Variants in BCAS3 observed in about 807,000 individuals in gnomAD.
The protein encoded by BCAS3 is BCAS4/BCAS3 fusion.
BCAS3 carries 53 observed loss-of-function variants against 116.1 expected under a neutral mutation model. The observed-to-expected ratio is 0.46, with a 90% CI of 0.37 to 0.57. The LOEUF is 0.57. Ranked by LOEUF, BCAS3 falls within the 20% of genes least tolerant of loss-of-function variation. The pLI is 0.00. For synonymous variants in BCAS3, 391 were observed against 408.2 expected, an observed-to-expected ratio of 0.96 and a Z score of 0.51; for missense variants, 917 against 1,165.4, an observed-to-expected ratio of 0.79 and a Z score of 3.10.
At chr17:61,185,063 A>G (rs2079686346) in intron 22 of BCAS3, among the ~76,000 whole-genome samples, 1 of 152,030 alleles carries the variant, frequency 6.6e-6, no homozygotes, top group African/African-American at 2.4e-5. Flanking sequence ...CAGTCTCAAC[A>G]CTTAAAATGG....
intron 6 of BCAS3, among the ~76,000 whole-genome samples, chr17:60,802,371 C>CATACATACATATATATATAT (rs1555724685): frequency 9.8e-5 from 11 of 111,946 alleles, no homozygotes; most frequent in African/African-American, 4.1e-4. Flanking sequence ...TACATACATA[C>CATACATACATATATATATAT]ATATATATAT....
rs181407821 is a variant in BCAS3 at position 60,979,179 on chromosome 17, C to T, written c.1222-10792C>T. Among the ~76,000 whole-genome samples, 600 of 150,448 alleles carry T rather than the reference C, an allele frequency of 4.0e-3. 5 individuals are homozygous for T. The East Asian group carries it at 0.043, about 11-fold the overall frequency. On this transcript the variant is annotated intron_variant, in intron 14 of 23. Transcript: ENST00000407086. ...TTGTTTGTATCCTCTTTTATTTCCT[C>T]GAGCAGTGGTTTGTAGTTCTCCTTG...
chr17:61,271,874 A>G (rs1247754706), intron 22 of BCAS3, among the ~76,000 whole-genome samples: 2 of 151,966 alleles, frequency 1.3e-5, no homozygotes, highest in African/African-American at 4.8e-5. Context: ...CAATGGTGCA[A>G]TCATACCTCA....
chr17:60,898,688 A>G (rs115091131), intron 10 of BCAS3, among the ~76,000 whole-genome samples: 1,726 of 152,256 alleles, frequency 0.011, 31 homozygotes, highest in African/African-American at 0.038. Context: ...TCTTCCAGGT[A>G]GCTTGCTTGG....
intron 22 of BCAS3, among the ~76,000 whole-genome samples, chr17:61,146,987 T>G (rs2077254746): frequency 6.6e-6 from 1 of 152,128 alleles, no homozygotes; most frequent in Non-Finnish European, 1.5e-5. Flanking sequence ...TGATCATGGC[T>G]TACTGCAGCC....
chr17:61,253,116 T>C (rs1160505774), intron 22 of BCAS3, among the ~76,000 whole-genome samples: 1 of 151,330 alleles, frequency 6.6e-6, no homozygotes, highest in African/African-American at 2.4e-5. Flanking sequence ...CCTCAGGTGA[T>C]CCACTTGCCT....
chr17:60,771,492 C>G (rs1355092807), intron 6 of BCAS3, among the ~76,000 whole-genome samples: 1 of 152,062 alleles, frequency 6.6e-6, no homozygotes, highest in East Asian at 1.9e-4. Flanking sequence ...AACGTTGGTT[C>G]CCTTTCACAA....
chr17:61,077,536 ATAAAT>A lies in BCAS3; in HGVS notation c.2131-796_2131-792del, dbSNP rs1480859914. ...CGTCTCAAAAAAAAAATGAAATAAA[ATAAAT>A]AAAATAAAATATTGGCAACATTCCC... On this transcript the variant is annotated intron_variant, in intron 20 of 23. Transcript: ENST00000407086. This position sits in a 1 kb window ranked among gnomAD's most constrained non-coding sequence, Gnocchi z 4.3. Among the ~76,000 whole-genome samples the A allele has an allele frequency of 2.0e-5, 3 of 152,170 alleles. No individual in the cohort carries two copies. The highest frequency in any genetic ancestry group is 7.2e-5 in the African/African-American group (3 of 41,460).
At chr17:60,785,250 C>G (rs1159450004) in intron 6 of BCAS3, among the ~76,000 whole-genome samples, 1 of 152,080 alleles carries the variant, frequency 6.6e-6, no homozygotes. Context: ...CCTCCACCTC[C>G]CAGGGTCAAG....
chr17:61,034,916 T>A lies in BCAS3; in HGVS notation c.1762+126T>A. ...TGGAAACCAATTTTTTTAATGTAAT[T>A]AGCATGTCACTTCTCAACTACTCAA... On this transcript the variant is annotated intron_variant, in intron 17 of 23. Coordinates refer to ENST00000407086, the MANE Select transcript of BCAS3 (RefSeq NM_017679.5). The surrounding 1 kb of genome is among the most constrained non-coding windows in gnomAD (Gnocchi z 5.0). 1 of 841,286 alleles carries A rather than the reference T, an allele frequency of 1.2e-6. No individual in the cohort carries two copies. The highest frequency in any genetic ancestry group is 1.8e-6 in the Non-Finnish European group (1 of 549,942). 52.1% of individuals were successfully genotyped at this position (841,286 alleles called of 1,614,324 possible).
chr17:61,102,151 C>A (rs1172550362), intron 22 of BCAS3, among the ~76,000 whole-genome samples: 3 of 152,028 alleles, frequency 2.0e-5, no homozygotes, highest in Non-Finnish European at 4.4e-5. Flanking sequence ...TTAGCTGAGA[C>A]AAAATTATTT....
intron 14 of BCAS3, among the ~76,000 whole-genome samples, chr17:60,965,523 T>C (rs1422269407): frequency 6.6e-6 from 1 of 152,104 alleles, no homozygotes; most frequent in East Asian, 1.9e-4. Flanking sequence ...GCCCGGCCTA[T>C]ATATTGCATT....
intron 14 of BCAS3, among the ~76,000 whole-genome samples, chr17:60,988,360 T>G (rs74338036): frequency 0.076 from 10,259 of 134,840 alleles, 1,344 homozygotes; most frequent in African/African-American, 0.3. Flanking sequence ...TTTTTTTTTT[T>G]ATGTATGTGT....
chr17:61,309,770 A>T lies in BCAS3; in HGVS notation c.2426-58557A>T, dbSNP rs1216286902. On this transcript the variant is annotated intron_variant, in intron 22 of 23. Transcript: ENST00000407086. The surrounding 1 kb of genome is among the most constrained non-coding windows in gnomAD (Gnocchi z 4.6). ...GTAGTGGCCTGTTTATGGGTTGAGGAGGCAGTACAGGGTGACAAGAGGGAG... is the reference window on the plus strand; with the variant it reads ...GTAGTGGCCTGTTTATGGGTTGAGGTGGCAGTACAGGGTGACAAGAGGGAG... Among the ~76,000 whole-genome samples the T allele has an allele frequency of 6.6e-6, 1 of 152,136 alleles. No individual in the cohort carries two copies. Among genetic ancestry groups the T allele is most frequent in the Non-Finnish European group, 1.5e-5 (1 of 68,036 alleles).
rs952680099 is a variant in BCAS3 at position 61,131,713 on chromosome 17, A to G, written c.2425+47149A>G. 6.6e-6 allele frequency among the ~76,000 whole-genome samples: 1 copy of G among 152,088 alleles called. No homozygotes were observed. The highest frequency in any genetic ancestry group is 1.5e-5 in the Non-Finnish European group (1 of 68,012). ...TGCTGATTAGTGACTTGCGGTGTGGATTCTGATTTATCGCAGACCAGAGCT... is the reference window on the plus strand; with the variant it reads ...TGCTGATTAGTGACTTGCGGTGTGGGTTCTGATTTATCGCAGACCAGAGCT... On this transcript the variant is annotated intron_variant, in intron 22 of 23. Coordinates refer to ENST00000407086, the MANE Select transcript of BCAS3 (RefSeq NM_017679.5). This position sits in a 1 kb window ranked among gnomAD's most constrained non-coding sequence, Gnocchi z 4.4.
intron 22 of BCAS3, among the ~76,000 whole-genome samples, chr17:61,298,791 A>ATTTATTTAT: frequency 6.9e-6 from 1 of 145,392 alleles, no homozygotes; most frequent in Non-Finnish European, 1.5e-5. Context: ...GTCACATGCC[A>ATTTATTTAT]TTATTTATTT....
chr17:61,262,933 C>T (rs1026194779), intron 22 of BCAS3, among the ~76,000 whole-genome samples: 2 of 152,056 alleles, frequency 1.3e-5, no homozygotes, highest in Non-Finnish European at 2.9e-5. Flanking sequence ...CTCAGGTGAT[C>T]CACCCGCCTC....
At chr17:60,976,467 T>A (rs1409356949) in intron 14 of BCAS3, among the ~76,000 whole-genome samples, 2 of 151,824 alleles carry the variant, frequency 1.3e-5, no homozygotes, top group African/African-American at 2.4e-5. Context: ...TTATTGATCA[T>A]TCTTGGGTGT....
chr17:60,897,750 C>T (rs2057606056), intron 10 of BCAS3, among the ~76,000 whole-genome samples: 1 of 152,098 alleles, frequency 6.6e-6, no homozygotes, highest in Admixed American at 6.6e-5. Context: ...TGATCTTACT[C>T]TGTCATCCAG....
Sources: allele counts gnomAD v4.1 joint callset (sites outside exome capture counted in the v4.1 genomes callset), GRCh38; gene constraint gnomAD v4.1.1; non-coding constraint Gnocchi (gnomAD v3.1); transcripts MANE v1.5; gene names NCBI Gene and HGNC (gene_info 2026-07-23, HGNC 2026-07-21).